Variants in PPP1R14C observed in about 807,000 individuals in gnomAD.
The protein encoded by PPP1R14C is protein phosphatase 1 regulatory inhibitor subunit 14C.
In PPP1R14C, 16 loss-of-function variants were observed where a neutral mutation model predicts 20.4. The ratio of observed to expected loss-of-function variants is 0.78; its 90% CI spans 0.53 to 1.19. PPP1R14C has a LOEUF of 1.19. Among genes scored for constraint, PPP1R14C ranks in the 50% most tolerant of loss-of-function variants. The pLI, the probability that PPP1R14C is intolerant of heterozygous loss-of-function variation, is 0.00. For synonymous variants in PPP1R14C, 91 were observed against 91.0 expected, an observed-to-expected ratio of 1.00 and a Z score of 0.00; for missense variants, 211 against 220.1, an observed-to-expected ratio of 0.96 and a Z score of 0.26.
chr6:150,167,217 A>T (rs1472287400), intron 1 of PPP1R14C, among the ~76,000 whole-genome samples: 2 of 152,140 alleles, frequency 1.3e-5, no homozygotes, highest in Non-Finnish European at 2.9e-5. Flanking sequence ...AATACAAAAA[A>T]ATTAGCTGGG....
chr6:150,177,218 G>T (rs1777572735), intron 1 of PPP1R14C, among the ~76,000 whole-genome samples: 1 of 152,144 alleles, frequency 6.6e-6, no homozygotes, highest in South Asian at 2.1e-4. Flanking sequence ...GAAAACAGGG[G>T]TGCACTTGAC....
At chr6:150,209,536 G>T (rs1335652974) in intron 1 of PPP1R14C, among the ~76,000 whole-genome samples, 2 of 152,026 alleles carry the variant, frequency 1.3e-5, no homozygotes, top group East Asian at 3.9e-4. Context: ...GGATGTGAGT[G>T]TATGAATGGT....
At chr6:150,245,931 G>A (rs1208540342) in intron 3 of PPP1R14C, among the ~76,000 whole-genome samples, 2 of 152,118 alleles carry the variant, frequency 1.3e-5, no homozygotes, top group African/African-American at 4.8e-5. Flanking sequence ...TGCATATTAT[G>A]CACAACATAG....
chr6:150,195,958 T>C (rs1777799254), intron 1 of PPP1R14C: 1 of 985,310 alleles, frequency 1.0e-6, no homozygotes, highest in Admixed American at 6.1e-5. Context: ...GTCCAAGGAC[T>C]GAAGACCTGC....
chr6:150,189,709 A>G (rs190143475), intron 1 of PPP1R14C, among the ~76,000 whole-genome samples: 2 of 152,248 alleles, frequency 1.3e-5, no homozygotes, highest in South Asian at 2.1e-4. Flanking sequence ...CTGACTTTAT[A>G]TTCTAGGATT....
rs752616471 is a variant in PPP1R14C at position 150,174,515 on chromosome 6, C to T, written c.306+31017C>T. The stretch of plus-strand genomic sequence containing the variant: ...ACAGGCGTGAGCCACCACGCCTGGC[C>T]GTGTGTGCATTTTTATCTTCTCAAT... On this transcript the variant is annotated intron_variant, in intron 1 of 3. Transcript: ENST00000361131. Among the ~76,000 whole-genome samples the T allele has an allele frequency of 5.9e-5, 9 of 151,816 alleles. No individual in the cohort carries two copies. The South Asian group carries it at 8.4e-4, about 14-fold the overall frequency.
chr6:150,217,473 G>A (rs901739617), intron 3 of PPP1R14C, among the ~76,000 whole-genome samples: 2 of 152,148 alleles, frequency 1.3e-5, no homozygotes, highest in Non-Finnish European at 2.9e-5. Context: ...GGGATTACAG[G>A]TGTGAGCCAC....
At chr6:150,165,978 A>G (rs147453875) in intron 1 of PPP1R14C, among the ~76,000 whole-genome samples, 1 of 152,120 alleles carries the variant, frequency 6.6e-6, no homozygotes, top group East Asian at 1.9e-4. Context: ...GTTGGTGTGG[A>G]CTCTGGATGT....
chr6:150,230,036 A>G (rs1778276055), intron 3 of PPP1R14C, among the ~76,000 whole-genome samples: 1 of 152,160 alleles, frequency 6.6e-6, no homozygotes, highest in Non-Finnish European at 1.5e-5. Context: ...GTACTGATTC[A>G]ACTGCCTGCC....
At chr6:150,192,825 C>G (rs1436189772) in intron 1 of PPP1R14C, among the ~76,000 whole-genome samples, 2 of 152,202 alleles carry the variant, frequency 1.3e-5, no homozygotes, top group African/African-American at 2.4e-5. Flanking sequence ...CCTTCACCTA[C>G]AGGTCTGGCT....
chr6:150,214,802 A>T lies in PPP1R14C; in HGVS notation c.365A>T (p.Asp122Val), dbSNP rs1778070274. The T allele has an allele frequency of 1.2e-6, 2 of 1,611,984 alleles. No homozygotes were observed. Among genetic ancestry groups the T allele is most frequent in the African/African-American group, 2.7e-5 (2 of 74,854 alleles). ...DIDDLLDADS[D>V]EERASKLQEA... Reference sequence around the variant, plus strand: ...GATGATCTTCTTGATGCAGACAGTGATGAAGAGAGAGCTTCAAAATTACAG... The same window carrying T: ...GATGATCTTCTTGATGCAGACAGTGTTGAAGAGAGAGCTTCAAAATTACAG... Residue 122 changes from aspartate (D) to valine (V), a missense_variant, in exon 2 of 4, where the codon GAT becomes GTT. Coordinates refer to ENST00000361131, the MANE Select transcript of PPP1R14C (RefSeq NM_030949.3).
rs1777134996 is a variant in PPP1R14C at position 150,143,201 on chromosome 6, G to A, written c.9G>A (p.Val3=). Residue 3 remains valine, a synonymous_variant, in exon 1 of 4, where the codon GTG becomes GTA. Transcript: ENST00000361131. The surrounding 1 kb of genome is among the most constrained non-coding windows in gnomAD (Gnocchi z 5.6). MS[V]ATGSSETAGG... is the part of the protein sequence containing the mutation. ...CTCGGGCGCGCGGGGACATGTCGGT[G>A]GCGACGGGCAGCAGCGAGACGGCCG... 7.4e-7 allele frequency: 1 copy of A among 1,348,368 alleles called. No homozygotes were observed. The highest frequency in any genetic ancestry group is 9.4e-7 in the Non-Finnish European group (1 of 1,060,272). 83.5% of individuals were successfully genotyped at this position (1,348,368 alleles called of 1,614,324 possible). A position where few individuals can be genotyped will look rare whatever the true frequency, so the allele number is the denominator to read the frequency against.
chr6:150,206,302 T>C (rs932922087), intron 1 of PPP1R14C, among the ~76,000 whole-genome samples: 1 of 152,218 alleles, frequency 6.6e-6, no homozygotes, highest in Non-Finnish European at 1.5e-5. Context: ...TATTTGTTTA[T>C]TGTCTGTCTT....
At chr6:150,146,148 C>T (rs1480493108) in intron 1 of PPP1R14C, among the ~76,000 whole-genome samples, 2 of 152,078 alleles carry the variant, frequency 1.3e-5, no homozygotes, top group Non-Finnish European at 2.9e-5. Context: ...TTCATTTAGT[C>T]TTCATAACAA....
intron 1 of PPP1R14C, among the ~76,000 whole-genome samples, chr6:150,166,232 T>C (rs887513702): frequency 1.3e-5 from 2 of 151,930 alleles, no homozygotes; most frequent in African/African-American, 4.8e-5. Flanking sequence ...AGGCGCCCGC[T>C]ACCACGCCCG....
At chr6:150,183,871 A>G (rs1339403572) in intron 1 of PPP1R14C, among the ~76,000 whole-genome samples, 1 of 152,238 alleles carries the variant, frequency 6.6e-6, no homozygotes, top group Non-Finnish European at 1.5e-5. Flanking sequence ...ATAGAATCTC[A>G]TGTTGATGTA....
intron 3 of PPP1R14C, among the ~76,000 whole-genome samples, chr6:150,242,056 T>C (rs1185798519): frequency 6.6e-6 from 1 of 152,164 alleles, no homozygotes; most frequent in Non-Finnish European, 1.5e-5. Context: ...TGCTGTCTCA[T>C]ACAGGAAAAT....
chr6:150,211,192 G>T (rs1010808573), intron 1 of PPP1R14C, among the ~76,000 whole-genome samples: 2 of 152,216 alleles, frequency 1.3e-5, no homozygotes, highest in Non-Finnish European at 2.9e-5. Flanking sequence ...CATTGTGTTT[G>T]TCAGAGCTGT....
chr6:150,195,700 A>G (rs1249583940), intron 1 of PPP1R14C: 7 of 260,298 alleles, frequency 2.7e-5, no homozygotes, highest in Admixed American at 1.9e-4. Context: ...CATTTTAGCC[A>G]TTTTTAAGTG....
Sources: allele counts gnomAD v4.1 joint callset (sites outside exome capture counted in the v4.1 genomes callset), GRCh38; gene constraint gnomAD v4.1.1; non-coding constraint Gnocchi (gnomAD v3.1); transcripts MANE v1.5; gene names NCBI Gene and HGNC (gene_info 2026-07-23, HGNC 2026-07-21).